The following RGPD1 variants were observed in gnomAD, a reference collection of about 807,000 sequenced individuals.
The protein encoded by RGPD1 is RANBP2 like and GRIP domain containing 1.
In RGPD1, 7 loss-of-function variants were observed where a neutral mutation model predicts 40.6. The ratio of observed to expected loss-of-function variants is 0.17; its 90% CI spans 0.10 to 0.32. The LOEUF is 0.32. RGPD1 is among the 10% of genes least tolerant of loss of function. The pLI, the probability that RGPD1 is intolerant of heterozygous loss-of-function variation, is 1.00. For synonymous variants in RGPD1, 24 were observed against 167.0 expected (o/e 0.14, Z 6.60); for missense variants, 50 against 472.5 (o/e 0.11, Z 8.29).
In RGPD1 at chr2:86,935,648, C is replaced by G. The variant is rs534596056; in HGVS notation, c.73-15648C>G. On this transcript the variant is annotated intron_variant, in intron 1 of 22. Transcript: ENST00000398193. ...CCCAGTCTGCACTGAAAGCCTAAAT[C>G]AAGAGGATAATTTGAAAGGTAATGA... Among the ~76,000 whole-genome samples, 5 of 125,920 alleles carry G rather than the reference C, an allele frequency of 4.0e-5. 1 individual carries two copies. The East Asian group carries it at 1.3e-3, about 33-fold the overall frequency. The allele number at this position is 125,920 out of a possible 152,430, so 82.6% of individuals were successfully genotyped here. A position where few individuals can be genotyped will look rare whatever the true frequency, so the allele number is the denominator to read the frequency against.
intron 1 of RGPD1, chr2:86,917,692 A>G (rs1386114603): frequency 2.6e-5 from 1 of 37,736 alleles, no homozygotes; most frequent in East Asian, 4.8e-4. Flanking sequence ...AGTAAATACA[A>G]TTGTTTTCTT....
At chr2:86,922,965 A>T (rs1678134028) in intron 1 of RGPD1, among the ~76,000 whole-genome samples, 1 of 107,106 alleles carries the variant, frequency 9.3e-6, no homozygotes. Flanking sequence ...AAATGACAGC[A>T]TTTACCTTTT....
chr2:87,009,178 G>A (rs1460312217), intron 22 of RGPD1, among the ~76,000 whole-genome samples: 1 of 39,388 alleles, frequency 2.5e-5, no homozygotes, highest in Admixed American at 3.2e-4. Flanking sequence ...GGTGGCAGGC[G>A]CCTGTAGTCC....
At chr2:86,942,483 G>GGGC (rs1368045303) in intron 1 of RGPD1, among the ~76,000 whole-genome samples, 175 bp downstream of exon 1, 40 of 121,992 alleles carry the variant, frequency 3.3e-4, no homozygotes, top group African/African-American at 1.2e-3. Flanking sequence ...CGACCTGGCC[G>GGGC]GGCGGCGGCG....
upstream of RGPD1, among the ~76,000 whole-genome samples, chr2:86,939,295 G>A (rs1679558487): frequency 6.9e-6 from 1 of 145,868 alleles, no homozygotes; most frequent in African/African-American, 2.6e-5. Context: ...CTCTTTGGAT[G>A]CTGGGCACGG....
chr2:86,940,990 A>G (rs1401030955), upstream of RGPD1, among the ~76,000 whole-genome samples: 59 of 151,844 alleles, frequency 3.9e-4, 2 homozygotes, highest in Admixed American at 3.9e-3. Flanking sequence ...AAATAAAACA[A>G]AATGCTGTTT....
intron 1 of RGPD1, among the ~76,000 whole-genome samples, chr2:86,942,866 C>T (rs1310348763): frequency 1.3e-5 from 2 of 151,882 alleles, no homozygotes; most frequent in African/African-American, 4.8e-5. Context: ...GGGCGGGATA[C>T]CTTTGGCGCC....
chr2:86,924,837 C>A (rs1323419050), intron 1 of RGPD1, among the ~76,000 whole-genome samples: 8 of 150,606 alleles, frequency 5.3e-5, no homozygotes, highest in East Asian at 2.0e-4. Flanking sequence ...AATTTAATTT[C>A]TTTTAAATGA....
At chr2:86,945,328 T>TG (rs1245771719) in intron 1 of RGPD1, among the ~76,000 whole-genome samples, 1 of 151,996 alleles carries the variant, frequency 6.6e-6, no homozygotes, top group Admixed American at 6.6e-5. Context: ...CTTTGGAACA[T>TG]GTGAAGCTAT....
intron 1 of RGPD1, among the ~76,000 whole-genome samples, chr2:86,942,722 C>T (rs1157331791): frequency 3.3e-5 from 5 of 149,892 alleles, no homozygotes; most frequent in African/African-American, 4.9e-5. Flanking sequence ...GCGGCGGCCT[C>T]GATGGCTCAG....
chr2:86,913,802 G>C (rs773850337), upstream of RGPD1: 2 of 1,509,716 alleles, frequency 1.3e-6, no homozygotes, highest in African/African-American at 2.8e-5. Context: ...GACTGCTGCG[G>C]GGCTGAGCGC....
In RGPD1 at chr2:86,987,274, GC is replaced by G; in HGVS notation, c.4378del (p.Gln1460ArgfsTer6). On this transcript the variant is annotated frameshift_variant, in exon 20 of 23. Transcript: ENST00000641458. LOFTEE classifies it high-confidence loss of function. ...FKKIFDEAKT[A>X]QEKDSLITPH... is the part of the protein sequence containing the mutation. ...GAAAATTTTTGATGAAGCAAAAACA[GC>G]CCAGGAAAAAGATTCTTTGATAACA... 1.9e-6 allele frequency: 1 copy of G among 517,444 alleles called. No individual in the cohort carries two copies. Among genetic ancestry groups the G allele is most frequent in the Non-Finnish European group, 3.0e-6 (1 of 334,142 alleles). The allele number at this position is 517,444 out of a possible 1,614,324, so 32.1% of individuals were successfully genotyped here.
At chr2:86,918,369 A>G (rs1677874731) in intron 1 of RGPD1, among the ~76,000 whole-genome samples, 1 of 149,202 alleles carries the variant, frequency 6.7e-6, no homozygotes, top group African/African-American at 2.5e-5. Context: ...TCACTCTGAA[A>G]AAAAATCACT....
chr2:86,941,492 G>T (rs1414033453), upstream of RGPD1, among the ~76,000 whole-genome samples: 3 of 147,422 alleles, frequency 2.0e-5, no homozygotes, highest in African/African-American at 5.1e-5. Flanking sequence ...GGATCCTCCC[G>T]CCTCGACCTC....
At chr2:86,940,955 C>T (rs1005749459), upstream of RGPD1, among the ~76,000 whole-genome samples, 1 of 152,008 alleles carries the variant, frequency 6.6e-6, no homozygotes, top group East Asian at 1.9e-4. Flanking sequence ...TTTTTCTTTT[C>T]TTTTATTCAC....
chr2:86,943,490 A>G (rs1004351258), intron 1 of RGPD1, among the ~76,000 whole-genome samples: 10 of 152,242 alleles, frequency 6.6e-5, no homozygotes, highest in Admixed American at 4.6e-4. Flanking sequence ...GGAAGAAGCT[A>G]TTAAAGGTGG....
At chr2:86,942,609 G>C (rs1453629797) in intron 1 of RGPD1, among the ~76,000 whole-genome samples, 1 of 137,300 alleles carries the variant, frequency 7.3e-6, no homozygotes, top group Non-Finnish European at 1.6e-5. Context: ...CTCCCGACGG[G>C]CGCTGCTCCC....
chr2:86,930,690 T>C lies in RGPD1; in HGVS notation c.72+16769T>C, dbSNP rs1678880664. 5 of 1,606,892 alleles carry C rather than the reference T, an allele frequency of 3.1e-6. No individual in the cohort carries two copies. The South Asian group carries it at 5.5e-5, about 18-fold the overall frequency. On this transcript the variant is annotated intron_variant, in intron 1 of 22. Transcript: ENST00000398193. ...TCCTGGGCACAGCTCTCGAAGCTGC[T>C]GTTGCGGCGCCCGAAGTGCCCCCCA...
chr2:87,000,744 A>G (rs1342132919), intron 22 of RGPD1, among the ~76,000 whole-genome samples: 3 of 16,336 alleles, frequency 1.8e-4, no homozygotes, highest in Admixed American at 7.6e-4. Context: ...TGAGGTCAGG[A>G]GTTCGAGACC....
Sources: gnomAD v4.1 joint callset for allele counts (sites outside exome capture counted in the v4.1 genomes callset) on GRCh38, gnomAD v4.1.1 for gene constraint, MANE v1.5 for transcripts, NCBI Gene and HGNC (gene_info 2026-07-23, HGNC 2026-07-21) for gene names.